KLF12: variants seen among roughly 807,000 people sequenced by gnomAD.
KLF12 encodes the protein Krueppel-like factor 12.
A neutral mutation model predicts 37.8 loss-of-function variants in KLF12; 9 were observed. The ratio of observed to expected loss-of-function variants is 0.24; its 90% CI spans 0.14 to 0.42. The LOEUF (loss-of-function observed/expected upper bound fraction) is 0.42, where lower values mean the gene tolerates loss of function less well. KLF12 is among the 10% of genes least tolerant of loss of function. KLF12 has a pLI of 1.00. For synonymous variants in KLF12, 208 were observed against 202.1 expected (o/e 1.03, Z -0.25); for missense variants, 411 against 516.0 (o/e 0.80, Z 1.97).
chr13:73,836,184 A>C (rs540725409), intron 4 of KLF12, among the ~76,000 whole-genome samples: 1 of 152,276 alleles, frequency 6.6e-6, no homozygotes, highest in Admixed American at 6.5e-5. Flanking sequence ...GCTCTTTTTT[A>C]TTTATTGGAT....
At chr13:74,006,017 G>T (rs1053583526) in intron 1 of KLF12, among the ~76,000 whole-genome samples, 8 of 152,094 alleles carry the variant, frequency 5.3e-5, no homozygotes, top group African/African-American at 1.7e-4. Flanking sequence ...CAGCATAGAA[G>T]TCATCTCTCC....
chr13:74,260,595 A>AG, the KLF12 span, among the ~76,000 whole-genome samples: 1 of 112,210 alleles, frequency 8.9e-6, no homozygotes, highest in African/African-American at 6.1e-5. Flanking sequence ...AAATAAAATA[A>AG]AATAAAATAA....
intron 1 of KLF12, among the ~76,000 whole-genome samples, chr13:74,113,336 G>A (rs1473208280): frequency 2.0e-5 from 3 of 152,200 alleles, no homozygotes; most frequent in African/African-American, 7.2e-5. Context: ...GCAAGAAGAC[G>A]CCATGGAGGA....
In KLF12 at chr13:73,829,162, C is replaced by T. The variant is rs145131624; in HGVS notation, c.671-15875G>A. ...TGTATTGTGGGTACTGTACGTTGTG[C>T]ATGTGGTTAAATCATGAATGTGTAT... is the stretch of plus-strand genomic sequence containing the variant. On this transcript the variant is annotated intron_variant, in intron 4 of 7. Transcript: ENST00000377669. Among the ~76,000 whole-genome samples, 3 of 152,204 alleles carry T rather than the reference C, an allele frequency of 2.0e-5. No homozygotes were observed. In the East Asian group the frequency reaches 5.8e-4, roughly 29 times the overall value.
intron 2 of KLF12, among the ~76,000 whole-genome samples, chr13:73,946,804 C>A (rs1458816065): frequency 6.6e-6 from 1 of 152,316 alleles, no homozygotes; most frequent in South Asian, 2.1e-4. Flanking sequence ...ATATTCAACT[C>A]TGCATTCACG....
chr13:74,076,085 A>G (rs1339816450), intron 1 of KLF12, among the ~76,000 whole-genome samples: 1 of 152,214 alleles, frequency 6.6e-6, no homozygotes, highest in Admixed American at 6.5e-5. Flanking sequence ...TGATGGTTGC[A>G]CAACTCTGAA....
intron 4 of KLF12, among the ~76,000 whole-genome samples, chr13:73,825,069 C>CA (rs199848643): frequency 0.011 from 1,375 of 126,768 alleles, 13 homozygotes; most frequent in African/African-American, 0.03. Context: ...AACTCCGCCT[C>CA]AAAAAAAAAA....
At chr13:74,035,194 G>A (rs1893216866) in intron 1 of KLF12, among the ~76,000 whole-genome samples, 1 of 152,102 alleles carries the variant, frequency 6.6e-6, no homozygotes, top group African/African-American at 2.4e-5. Flanking sequence ...TGTAGTATTT[G>A]CATATAACCT....
In KLF12 at chr13:74,109,626, T is replaced by C. The variant is rs1438297492; in HGVS notation, c.-32+24113A>G. 7.2e-5 allele frequency among the ~76,000 whole-genome samples: 11 copies of C among 152,234 alleles called. No homozygotes were observed. The South Asian group carries it at 2.1e-3, about 29-fold the overall frequency. ...GAAAATTGTAAGATGTCCAAAAGCA[T>C]TTGATAAAATTGTAAATCTATACTT... On this transcript the variant is annotated intron_variant, in intron 1 of 7. Transcript: ENST00000377669.
At position 73,689,394 on chromosome 13, in the gene KLF12, C is replaced by T. The variant is rs904531636; in HGVS notation, c.*6096G>A. The T allele has an allele frequency of 1.3e-5, 2 of 152,224 alleles. No individual in the cohort carries two copies. The highest frequency in any genetic ancestry group is 1.9e-4 in the East Asian group (1 of 5,158). 9.4% of individuals were successfully genotyped at this position (152,224 alleles called of 1,614,324 possible). The stretch of plus-strand genomic sequence containing the variant: ...AAAATTGCCCTTACCCGATGTGTGA[C>T]TCTCCATGAGTATAATTTTACTGAT... On this transcript the variant is annotated 3_prime_UTR_variant, in exon 8 of 8. Coordinates refer to ENST00000377669, the MANE Select transcript of KLF12 (RefSeq NM_007249.5).
intron 3 of KLF12, among the ~76,000 whole-genome samples, chr13:73,937,023 C>T (rs1489955634): frequency 1.3e-5 from 2 of 152,072 alleles, no homozygotes; most frequent in Non-Finnish European, 2.9e-5. Context: ...AACCCCGTCT[C>T]TACTAAAAAT....
the KLF12 span, among the ~76,000 whole-genome samples, chr13:74,167,368 C>T: frequency 6.6e-6 from 1 of 152,144 alleles, no homozygotes; most frequent in African/African-American, 2.4e-5. Context: ...GTAAGGGAAC[C>T]AATATAAGGT....
rs117224736 is a variant in KLF12, at chr13:74,072,003, G to A, written c.-32+61736C>T. 1.1e-3 allele frequency among the ~76,000 whole-genome samples: 162 copies of A among 151,762 alleles called. 7 individuals carry two copies. The East Asian group carries it at 0.027, about 26-fold the overall frequency. ...CACCTGAACAACTGGACAATCTACC[G>A]CAGAAACTTACATCATACTATATAG... On this transcript the variant is annotated intron_variant, in intron 1 of 7. Transcript: ENST00000377669.
At chr13:74,193,405 G>A in the KLF12 span, among the ~76,000 whole-genome samples, 4 of 152,260 alleles carry the variant, frequency 2.6e-5, no homozygotes, top group Admixed American at 2.0e-4. Context: ...CTTTACAAAT[G>A]AGAACCAATG....
chr13:74,121,077 AAC>A (rs1395497279), intron 1 of KLF12, among the ~76,000 whole-genome samples: 1 of 152,098 alleles, frequency 6.6e-6, no homozygotes, highest in Non-Finnish European at 1.5e-5. Context: ...AGATGGTAAG[AAC>A]AGAGGTCAAT....
At chr13:73,990,217 T>C (rs913905842) in intron 2 of KLF12, among the ~76,000 whole-genome samples, 12 of 152,124 alleles carry the variant, frequency 7.9e-5, no homozygotes, top group Admixed American at 5.2e-4. Context: ...AACAAAATAG[T>C]GTACTTTAAA....
intron 1 of KLF12, among the ~76,000 whole-genome samples, chr13:74,086,927 T>C (rs1238290476): frequency 6.6e-6 from 1 of 152,128 alleles, no homozygotes; most frequent in Non-Finnish European, 1.5e-5. Context: ...AAGCACATCA[T>C]CATAAAGACC....
chr13:73,718,673 C>T (rs999941955), intron 6 of KLF12, among the ~76,000 whole-genome samples: 5 of 152,104 alleles, frequency 3.3e-5, no homozygotes, highest in Non-Finnish European at 7.4e-5. Flanking sequence ...TAGGTAGATC[C>T]CTTGAGCTCA....
chr13:73,745,750 C>T (rs538217604), intron 6 of KLF12, among the ~76,000 whole-genome samples: 3 of 152,182 alleles, frequency 2.0e-5, no homozygotes, highest in Admixed American at 1.3e-4. Flanking sequence ...TCAGATAACA[C>T]CAAGCAAAAA....
Sources: allele counts gnomAD v4.1 joint callset (sites outside exome capture counted in the v4.1 genomes callset), GRCh38; gene constraint gnomAD v4.1.1; transcripts MANE v1.5; gene names NCBI Gene and HGNC (gene_info 2026-07-23, HGNC 2026-07-21).